Variants in CIDEA observed in about 807,000 individuals in gnomAD.
The protein encoded by CIDEA is cell death inducing DFFA like effector a, also known as lipid transferase CIDEA.
In CIDEA, 10 loss-of-function variants were observed where a neutral mutation model predicts 18.2. The ratio of observed to expected loss-of-function variants is 0.55; its 90% CI spans 0.34 to 0.93. CIDEA has a LOEUF of 0.93. Ranked by LOEUF, CIDEA falls within the 40% of genes least tolerant of loss-of-function variation. The pLI, the probability that CIDEA is intolerant of heterozygous loss-of-function variation, is 0.02. For synonymous variants in CIDEA, 128 were observed against 124.8 expected (o/e 1.03, Z -0.17); for missense variants, 309 against 293.1 (o/e 1.05, Z -0.40).
chr18:12,254,511 T>C (rs530520124), intron 1 of CIDEA, 90 bp downstream of exon 1: 23 of 1,543,864 alleles, frequency 1.5e-5, no homozygotes, highest in Non-Finnish European at 1.9e-5. Flanking sequence ...TCTAGTACCG[T>C]ACCCCGCTCC....
intron 1 of CIDEA, 35 bp from the exon 2 acceptor site, chr18:12,262,788 CTT>C: frequency 6.3e-7 from 1 of 1,588,888 alleles, no homozygotes; most frequent in Admixed American, 1.7e-5. Flanking sequence ...CTGACAGACT[CTT>C]TTTAAAAAGT....
At chr18:12,276,186 G>A (rs1905328037) in intron 4 of CIDEA, among the ~76,000 whole-genome samples, 1 of 151,692 alleles carries the variant, frequency 6.6e-6, no homozygotes, top group South Asian at 2.1e-4. Context: ...TAGAGACGGG[G>A]TTTCACCATG....
intron 1 of CIDEA, 152 bp downstream of exon 1, chr18:12,254,573 C>T (rs756144373): frequency 1.7e-5 from 26 of 1,527,024 alleles, no homozygotes; most frequent in Non-Finnish European, 2.1e-5. Flanking sequence ...CCCGCGCACA[C>T]ACCCATCCGC....
At position 12,254,609 on chromosome 18, in the gene CIDEA, C is replaced by G. The variant is rs1472656311; in HGVS notation, c.38+188C>G. 2.0e-5 allele frequency: 27 copies of G among 1,350,070 alleles called. 1 individual carries two copies. The South Asian group carries it at 3.5e-4, about 17-fold the overall frequency. 83.6% of individuals were successfully genotyped at this position (1,350,070 alleles called of 1,614,324 possible). A position where few individuals can be genotyped will look rare whatever the true frequency, so the allele number is the denominator to read the frequency against. On this transcript the variant is annotated intron_variant, in intron 1 of 4. Transcript: ENST00000320477. The stretch of plus-strand genomic sequence containing the variant: ...CCCACTGGTGCCCAAGCCGTCCAGC[C>G]GCGCCCGCGGGCAGAGCCCAATCCC...
chr18:12,255,090 G>T (rs1227157157), intron 1 of CIDEA: 5 of 411,314 alleles, frequency 1.2e-5, no homozygotes, highest in Admixed American at 1.2e-4. Flanking sequence ...GCTCGTGGTC[G>T]AACAGGCAGC....
chr18:12,273,817 C>T (rs1488963451), intron 3 of CIDEA, among the ~76,000 whole-genome samples: 11 of 152,170 alleles, frequency 7.2e-5, no homozygotes, highest in African/African-American at 2.2e-4. Context: ...CACTGAGCAA[C>T]GGGGTCCTAA....
At position 12,272,592 on chromosome 18, in the gene CIDEA, C is replaced by T. The variant is rs57906766; in HGVS notation, c.331-1501C>T. On this transcript the variant is annotated intron_variant, in intron 3 of 4. Transcript: ENST00000320477. ...CAAACTCCTGACCTCAGGTCACCTG[C>T]TCCTCTTGGCCTCCCAAAGTGCTGG... Among the ~76,000 whole-genome samples the T allele has an allele frequency of 6.8e-3, 1,036 of 152,318 alleles. 7 individuals carry two copies. Among genetic ancestry groups the T allele is most frequent in the African/African-American group, 0.024 (987 of 41,566 alleles).
rs574198150 is a variant in CIDEA at position 12,259,816 on chromosome 18, G to T, written c.39-3009G>T. On this transcript the variant is annotated intron_variant, in intron 1 of 4. Transcript: ENST00000320477. ...GCAGAGGCTGTAGTGAGCCCAGATG[G>T]CATCACTGCACTCCAGCCTGGGCAA... Among the ~76,000 whole-genome samples, 100 of 152,244 alleles carry T rather than the reference G, an allele frequency of 6.6e-4. 1 individual carries two copies. Among genetic ancestry groups the T allele is most frequent in the Non-Finnish European group, 6.9e-4 (47 of 68,024 alleles).
chr18:12,271,234 G>A (rs1912520935), intron 3 of CIDEA, among the ~76,000 whole-genome samples: 1 of 152,166 alleles, frequency 6.6e-6, no homozygotes, highest in Non-Finnish European at 1.5e-5. Flanking sequence ...CGTGGCAGAT[G>A]GGATTAAGTG....
At chr18:12,273,280 A>C (rs1912602374) in intron 3 of CIDEA, among the ~76,000 whole-genome samples, 1 of 152,168 alleles carries the variant, frequency 6.6e-6, no homozygotes, top group African/African-American at 2.4e-5. Flanking sequence ...CCAACCTCGA[A>C]GGCTCACAAG....
At chr18:12,275,427 C>T (rs1198177175) in intron 4 of CIDEA, among the ~76,000 whole-genome samples, 1 of 152,228 alleles carries the variant, frequency 6.6e-6, no homozygotes, top group Non-Finnish European at 1.5e-5. Context: ...GCTCTAACTA[C>T]ACCTACTTCT....
intron 3 of CIDEA, among the ~76,000 whole-genome samples, chr18:12,267,876 T>C (rs1015570305): frequency 2.0e-5 from 3 of 152,150 alleles, no homozygotes; most frequent in East Asian, 1.9e-4. Flanking sequence ...CATTTGTTAA[T>C]GTCTGAAGAC....
intron 1 of CIDEA, among the ~76,000 whole-genome samples, chr18:12,261,956 C>T (rs1017537297): frequency 1.8e-4 from 28 of 151,718 alleles, no homozygotes; most frequent in African/African-American, 6.8e-4. Context: ...CTGCTTGAAC[C>T]CAGGAGTTCA....
intron 1 of CIDEA, among the ~76,000 whole-genome samples, chr18:12,256,309 A>G (rs1254331764): frequency 6.6e-6 from 1 of 152,236 alleles, no homozygotes; most frequent in Non-Finnish European, 1.5e-5. Context: ...CAGGTCCAGG[A>G]TGTCATAATT....
chr18:12,269,051 C>T (rs1459943498), intron 3 of CIDEA, among the ~76,000 whole-genome samples: 1 of 152,130 alleles, frequency 6.6e-6, no homozygotes, highest in East Asian at 1.9e-4. Flanking sequence ...AACTTCTGAC[C>T]TTGTGATCTG....
At position 12,262,842 on chromosome 18, in the gene CIDEA, G is replaced by T; in HGVS notation, c.56G>T (p.Gly19Val). ...ATTTTCAGGCCCCTGACATTTATGG[G>T]ATCACAGACTAAGCGAGTCCTGTTC... Reference protein sequence around the residue: ...GALIRPLTFMGSQTKRVLFTP... With the variant: ...GALIRPLTFMVSQTKRVLFTP... The change falls in exon 2 of 5, where the codon GGA becomes GTA. Residue 19 changes from glycine (G) to valine (V), a missense_variant. Coordinates refer to ENST00000320477, the MANE Select transcript of CIDEA (RefSeq NM_001279.4). The T allele has an allele frequency of 6.2e-7, 1 of 1,613,658 alleles. No individual in the cohort carries two copies.
At chr18:12,254,685 C>T in intron 1 of CIDEA, 1 of 1,516,742 alleles carries the variant, frequency 6.6e-7, no homozygotes, top group Non-Finnish European at 8.9e-7. Context: ...CCAGGTGTGG[C>T]TCTTGCGAGG....
intron 4 of CIDEA, among the ~76,000 whole-genome samples, chr18:12,275,974 T>C (rs1392089435): frequency 1.3e-5 from 2 of 149,348 alleles, no homozygotes; most frequent in African/African-American, 4.9e-5. Flanking sequence ...CTCAGTGAAA[T>C]CTTTTTTCTT....
chr18:12,262,582 C>T (rs1014853715), intron 1 of CIDEA, among the ~76,000 whole-genome samples: 1 of 152,158 alleles, frequency 6.6e-6, no homozygotes, highest in African/African-American at 2.4e-5. Flanking sequence ...CAAAGAGTTT[C>T]AGCAAGGACT....
Sources: allele counts gnomAD v4.1 joint callset (sites outside exome capture counted in the v4.1 genomes callset), GRCh38; gene constraint gnomAD v4.1.1; transcripts MANE v1.5; gene names NCBI Gene and HGNC (gene_info 2026-07-23, HGNC 2026-07-21).